Variants in POC1B observed in about 807,000 individuals in gnomAD.
POC1B encodes POC1 centriolar protein B, also known as POC1 centriolar protein homolog B.
POC1B carries 44 observed loss-of-function variants against 60.6 expected under a neutral mutation model. The ratio of observed to expected loss-of-function variants is 0.73; its 90% confidence interval spans 0.57 to 0.93. The LOEUF is 0.93. POC1B is among the 40% of genes least tolerant of loss of function. The pLI is 0.00. For synonymous variants in POC1B, 180 were observed against 198.9 expected (o/e 0.90, Z 0.80); for missense variants, 555 against 572.3 (o/e 0.97, Z 0.31).
intron 4 of POC1B, among the ~76,000 whole-genome samples, chr12:89,478,117 T>G (rs1487296556): frequency 6.7e-6 from 1 of 148,642 alleles, no homozygotes; most frequent in East Asian, 1.9e-4. Context: ...ATTCATTCAT[T>G]CATTCATTTA....
chr12:89,459,488 T>A, intron 10 of POC1B, 150 bp downstream of exon 10: 1 of 365,128 alleles, frequency 2.7e-6, no homozygotes, highest in Non-Finnish European at 4.9e-6. Flanking sequence ...GCATTGTAAA[T>A]ATGACTATAA....
intron 4 of POC1B, among the ~76,000 whole-genome samples, chr12:89,483,356 C>A (rs756941878): frequency 6.6e-6 from 1 of 152,120 alleles, no homozygotes; most frequent in Non-Finnish European, 1.5e-5. Context: ...CCCAGCTCTG[C>A]GGAACTGTGA....
intron 7 of POC1B, 88 bp downstream of exon 7, chr12:89,470,270 CAAT>C (rs1882836514): frequency 3.8e-6 from 3 of 795,690 alleles, no homozygotes; most frequent in East Asian, 5.7e-5. Context: ...TCTGGAAAAA[CAAT>C]AAAGGGACAT....
chr12:89,414,131 G>A, the POC1B span, among the ~76,000 whole-genome samples: 2 of 152,134 alleles, frequency 1.3e-5, no homozygotes, highest in African/African-American at 4.8e-5. Context: ...GACCTCAAGT[G>A]ATCCGCCCAC....
At chr12:89,523,189 G>C in intron 2 of POC1B, 1 of 1,613,864 alleles carries the variant, frequency 6.2e-7, no homozygotes, top group Non-Finnish European at 8.5e-7. Flanking sequence ...ACATTCAGAC[G>C]AGATCCCTCT....
At chr12:89,476,886 A>G (rs1883144688) in intron 4 of POC1B, among the ~76,000 whole-genome samples, 1 of 152,238 alleles carries the variant, frequency 6.6e-6, no homozygotes, top group South Asian at 2.1e-4. Context: ...CAAACAGGGC[A>G]GGCACTATTT....
chr12:89,490,758 G>A (rs558836554), intron 4 of POC1B, among the ~76,000 whole-genome samples: 1 of 152,264 alleles, frequency 6.6e-6, no homozygotes, highest in Non-Finnish European at 1.5e-5. Flanking sequence ...ACCTACAATA[G>A]CATTCACCTG....
At chr12:89,487,522 C>G (rs1438073501) in intron 4 of POC1B, among the ~76,000 whole-genome samples, 1 of 152,202 alleles carries the variant, frequency 6.6e-6, no homozygotes, top group East Asian at 1.9e-4. Context: ...TATCCTCAGT[C>G]CAGTGAGAGA....
intron 10 of POC1B, among the ~76,000 whole-genome samples, chr12:89,432,489 C>T (rs892373981): frequency 1.8e-4 from 26 of 141,752 alleles, no homozygotes; most frequent in Admixed American, 4.3e-4. Flanking sequence ...GGGATGAAGA[C>T]ATAAATATTT....
chr12:89,492,554 A>G (rs1869038996), intron 3 of POC1B, among the ~76,000 whole-genome samples: 1 of 152,236 alleles, frequency 6.6e-6, no homozygotes. Flanking sequence ...GATACTCAAG[A>G]TAACCTATGG....
At chr12:89,412,849 T>TCCTTCCTG in the POC1B span, among the ~76,000 whole-genome samples, 1 of 73,058 alleles carries the variant, frequency 1.4e-5, no homozygotes, top group Non-Finnish European at 2.4e-5. Flanking sequence ...CTTCCTTCCT[T>TCCTTCCTG]TCCTTCCTCC....
intron 3 of POC1B, among the ~76,000 whole-genome samples, chr12:89,493,199 C>T (rs1211805328): frequency 6.6e-6 from 1 of 152,228 alleles, no homozygotes; most frequent in African/African-American, 2.4e-5. Flanking sequence ...TTGGCCAAGC[C>T]AGACAGGCTT....
intron 2 of POC1B, chr12:89,500,776 CAGATAA>C: frequency 9.7e-7 from 1 of 1,027,536 alleles, no homozygotes. Flanking sequence ...AATAAAGTAT[CAGATAA>C]AGAGGATAAA....
At chr12:89,417,801 A>G (rs180734540), downstream of POC1B, among the ~76,000 whole-genome samples, 2 of 152,310 alleles carry the variant, frequency 1.3e-5, no homozygotes, top group African/African-American at 4.8e-5. Flanking sequence ...CCTATCACAG[A>G]TATCCTGAGG....
chr12:89,432,698 A>G (rs184466240), intron 10 of POC1B, among the ~76,000 whole-genome samples: 406 of 152,316 alleles, frequency 2.7e-3, no homozygotes, highest in African/African-American at 9.2e-3. Context: ...AATTTTATGG[A>G]GAAGTGGTAA....
intron 10 of POC1B, among the ~76,000 whole-genome samples, chr12:89,432,383 TAAAAAAAAAA>T (rs57839375): frequency 3.1e-5 from 1 of 32,014 alleles, no homozygotes; most frequent in Non-Finnish European, 5.2e-5. Flanking sequence ...CTCTGTTTCT[TAAAAAAAAAA>T]AAAAAAAAAA....
intron 2 of POC1B, among the ~76,000 whole-genome samples, chr12:89,511,552 A>T (rs1870188171): frequency 6.6e-6 from 1 of 152,220 alleles, no homozygotes; most frequent in African/African-American, 2.4e-5. Context: ...TACTGAAAAT[A>T]AACTCAGCTT....
chr12:89,469,196 G>C (rs553244466), intron 7 of POC1B, among the ~76,000 whole-genome samples: 3 of 152,252 alleles, frequency 2.0e-5, no homozygotes, highest in Admixed American at 2.0e-4. Flanking sequence ...GGAGGCAGAG[G>C]TTACAGTGAG....
At chr12:89,423,721 T>C (rs1035750791) in intron 11 of POC1B, among the ~76,000 whole-genome samples, 3 of 152,200 alleles carry the variant, frequency 2.0e-5, no homozygotes, top group African/African-American at 7.2e-5. Context: ...TGCCTGCTTC[T>C]AACCTTTTTA....
Sources: allele counts gnomAD v4.1 joint callset (sites outside exome capture counted in the v4.1 genomes callset), GRCh38; gene constraint gnomAD v4.1.1; transcripts MANE v1.5; gene names NCBI Gene and HGNC (gene_info 2026-07-23, HGNC 2026-07-21).